The following SLC9B2 variants were observed in gnomAD, a reference collection of about 807,000 sequenced individuals.
SLC9B2 encodes sodium/hydrogen exchanger 9B2.
In SLC9B2, 39 loss-of-function variants were observed where a neutral mutation model predicts 52.2. The ratio of observed to expected loss-of-function variants is 0.75; its 90% confidence interval spans 0.58 to 0.98. SLC9B2 has a LOEUF of 0.98. Among genes scored for constraint, SLC9B2 ranks in the 50% least tolerant of loss-of-function variants. SLC9B2 has a pLI of 0.00. For synonymous variants in SLC9B2, 214 were observed against 227.0 expected, an observed-to-expected ratio of 0.94 and a Z score of 0.51; for missense variants, 626 against 637.5, an observed-to-expected ratio of 0.98 and a Z score of 0.19.
At chr4:103,018,508 ATAAG>A (rs1267014252), downstream of SLC9B2, among the ~76,000 whole-genome samples, 1 of 152,202 alleles carries the variant, frequency 6.6e-6, no homozygotes, top group Non-Finnish European at 1.5e-5. Flanking sequence ...GGTGACAATA[ATAAG>A]TGTCATTTTT....
chr4:103,070,472 C>T (rs1298806514), intron 1 of SLC9B2, among the ~76,000 whole-genome samples: 3 of 152,156 alleles, frequency 2.0e-5, no homozygotes, highest in Non-Finnish European at 2.9e-5. Context: ...ACGAAGTCTC[C>T]CTCTGTTGCC....
chr4:103,029,809 A>C (rs953227692), intron 10 of SLC9B2, among the ~76,000 whole-genome samples: 5 of 152,164 alleles, frequency 3.3e-5, no homozygotes, highest in Admixed American at 2.6e-4. Context: ...GTATTATTTT[A>C]CTTAGTCCTT....
rs566356970 is a variant in SLC9B2, at chr4:103,045,977, A to T, written c.890-981T>A. On this transcript the variant is annotated intron_variant, in intron 7 of 11. Coordinates refer to ENST00000394785, the MANE Select transcript of SLC9B2 (RefSeq NM_178833.7). ...CATTAAAAATAGGAGTATGAATTTG[A>T]CTTAATAGGTAAGAGAGCATCCTCA... is the stretch of plus-strand genomic sequence containing the variant. Among the ~76,000 whole-genome samples, 3 of 152,302 alleles carry T rather than the reference A, an allele frequency of 2.0e-5. No homozygotes were observed. In the South Asian group the frequency reaches 6.2e-4, roughly 32 times the overall value.
At chr4:103,066,635 AACTC>A in intron 2 of SLC9B2, 128 bp from the exon 3 acceptor site, 1 of 832,596 alleles carries the variant, frequency 1.2e-6, no homozygotes, top group Non-Finnish European at 1.8e-6. Context: ...TTGTAGAAAA[AACTC>A]ACAGCTTTAT....
chr4:103,031,605 G>C (rs1742705893), intron 10 of SLC9B2, 95 bp downstream of exon 10: 1 of 841,902 alleles, frequency 1.2e-6, no homozygotes, highest in Non-Finnish European at 1.9e-6. Flanking sequence ...ATACCTGCTG[G>C]AGATATTTCA....
downstream of SLC9B2, chr4:103,019,851 C>T: frequency 1.0e-6 from 1 of 985,824 alleles, no homozygotes; most frequent in Non-Finnish European, 1.2e-6. Flanking sequence ...GAACCCTTTC[C>T]TTTCGACGTC....
chr4:103,043,677 A>G (rs1743843401), intron 8 of SLC9B2, among the ~76,000 whole-genome samples: 1 of 152,220 alleles, frequency 6.6e-6, no homozygotes, highest in Non-Finnish European at 1.5e-5. Context: ...CTCTACAGTT[A>G]TCAATGCAGA....
chr4:103,026,131 AT>A lies in SLC9B2; in HGVS notation c.*238del, dbSNP rs1742176281. On this transcript the variant is annotated 3_prime_UTR_variant, in exon 12 of 12. Transcript: ENST00000394785. The stretch of plus-strand genomic sequence containing the variant: ...AGTACATTAAAGTAGATATGTCCTT[AT>A]GCAAATTAAGATGGATGATGAAGGG... 2.9e-5 allele frequency: 12 copies of A among 420,536 alleles called. No individual in the cohort carries two copies. In the South Asian group the frequency reaches 4.9e-4, roughly 17 times the overall value. 26.1% of individuals were successfully genotyped at this position (420,536 alleles called of 1,614,324 possible). A position where few individuals can be genotyped will look rare whatever the true frequency, so the allele number is the denominator to read the frequency against.
At position 103,022,334 on chromosome 4, in the gene SLC9B2, C is replaced by CA. The variant is rs1041181502; in HGVS notation, c.*4035dup. On this transcript the variant is annotated 3_prime_UTR_variant, in exon 12 of 12. Coordinates refer to ENST00000394785, the MANE Select transcript of SLC9B2 (RefSeq NM_178833.7). ...ATGAAGGCTTAGCATTCATTATATA[C>CA]AAAAAAATTCTTCAATCTACATAGC... is the stretch of plus-strand genomic sequence containing the variant. 6.6e-6 allele frequency among the ~76,000 whole-genome samples: 1 copy of CA among 152,008 alleles called. No individual in the cohort carries two copies. The highest frequency in any genetic ancestry group is 1.5e-5 in the Non-Finnish European group (1 of 67,998).
intron 9 of SLC9B2, 27 bp downstream of exon 9, chr4:103,043,269 A>G (rs774592608): frequency 3.8e-6 from 6 of 1,586,284 alleles, no homozygotes; most frequent in East Asian, 2.2e-5. Flanking sequence ...AAGAGTCATG[A>G]GCAGAAAAAC....
chr4:103,048,659 G>T, intron 6 of SLC9B2: 1 of 412,992 alleles, frequency 2.4e-6, no homozygotes, highest in Non-Finnish European at 4.3e-6. Flanking sequence ...TCAGGTGTAG[G>T]CAAAAGACCA....
chr4:103,029,713 T>A (rs1310742859), intron 10 of SLC9B2, among the ~76,000 whole-genome samples: 3 of 152,052 alleles, frequency 2.0e-5, no homozygotes, highest in Non-Finnish European at 4.4e-5. Flanking sequence ...ACAGCTAAGG[T>A]GACTCCTGAG....
Position 103,044,973 on chromosome 4 carries a change from T to C in SLC9B2, c.913A>G (p.Arg305Gly). 6.2e-7 allele frequency: 1 copy of C among 1,613,664 alleles called. No individual in the cohort carries two copies. Among genetic ancestry groups the C allele is most frequent in the Non-Finnish European group, 8.5e-7 (1 of 1,179,714 alleles). The change falls in exon 8 of 12, where the codon AGA becomes GGA. Residue 305 changes from arginine to glycine, a missense_variant. Physicochemically the swap from Arg to Gly is moderately radical, Grantham distance 125. Coordinates refer to ENST00000394785, the MANE Select transcript of SLC9B2 (RefSeq NM_178833.7). The stretch of plus-strand genomic sequence containing the variant: ...CCAATTACCACCTCCAAAACTCCTC[T>C]GAGGACATTAAAGACAGTAGAGCCT... ...STGSTVFNVL[R>G]GVLEVVIGVA...
chr4:103,035,494 T>C (rs1743089366), intron 9 of SLC9B2, among the ~76,000 whole-genome samples: 1 of 152,222 alleles, frequency 6.6e-6, no homozygotes, highest in Non-Finnish European at 1.5e-5. Flanking sequence ...TTTGGGTATA[T>C]ACCCAGTAAT....
chr4:103,071,459 A>G (rs1029121189), intron 1 of SLC9B2, among the ~76,000 whole-genome samples: 7 of 149,234 alleles, frequency 4.7e-5, no homozygotes, highest in Non-Finnish European at 7.4e-5. Flanking sequence ...ATCTCAGCTC[A>G]CTGCAACCTC....
At chr4:103,071,211 G>A (rs1746592964) in intron 1 of SLC9B2, among the ~76,000 whole-genome samples, 1 of 151,354 alleles carries the variant, frequency 6.6e-6, no homozygotes, top group South Asian at 2.1e-4. Flanking sequence ...TGTTGTTGTT[G>A]TTGTTTTTTT....
chr4:103,052,729 T>C (rs1198784871), intron 4 of SLC9B2, among the ~76,000 whole-genome samples: 1 of 151,912 alleles, frequency 6.6e-6, no homozygotes, highest in East Asian at 1.9e-4. Context: ...TTTTTTTTTT[T>C]TGAGACAGGG....
chr4:103,057,026 T>A (rs1160838247), intron 4 of SLC9B2, among the ~76,000 whole-genome samples: 1 of 152,068 alleles, frequency 6.6e-6, no homozygotes, highest in Non-Finnish European at 1.5e-5. Flanking sequence ...ATTTGCTGAT[T>A]TTTTTTGTTG....
intron 6 of SLC9B2, 106 bp from the exon 7 acceptor site, chr4:103,047,332 C>CT: frequency 1.0e-5 from 9 of 887,416 alleles, no homozygotes; most frequent in Non-Finnish European, 1.3e-5. Context: ...CAACAACAGT[C>CT]TTTCTTTTTT....
Sources: gnomAD v4.1 joint callset for allele counts (sites outside exome capture counted in the v4.1 genomes callset) on GRCh38, gnomAD v4.1.1 for gene constraint, MANE v1.5 for transcripts, NCBI Gene and HGNC (gene_info 2026-07-23, HGNC 2026-07-21) for gene names.